FAAH2: variants seen among roughly 807,000 people sequenced by gnomAD.
FAAH2 encodes fatty-acid amide hydrolase 2.
In FAAH2, 60 loss-of-function variants were observed where a neutral mutation model predicts 36.9. The observed-to-expected ratio is 1.63, with a 90% CI of 1.32 to 2.02. The LOEUF (loss-of-function observed/expected upper bound fraction) is 2.02. Ranked by LOEUF, FAAH2 falls within the 30% of genes most tolerant of loss-of-function variation. The pLI, the probability that FAAH2 is intolerant of heterozygous loss-of-function variation, is 0.00. For missense variants in FAAH2, 689 were observed against 397.5 expected, an observed-to-expected ratio of 1.73 and a Z score of -6.23; for synonymous variants, 214 against 143.8, an observed-to-expected ratio of 1.49 and a Z score of -3.49.
intron 2 of FAAH2, among the ~76,000 whole-genome samples, chrX:57,296,683 A>G (rs938833017): frequency 3.6e-5 from 4 of 111,557 alleles, no homozygotes; most frequent in South Asian, 3.8e-4. Context: ...TGAACCCATG[A>G]CAAAGAAGTT....
At chrX:57,206,900 G>C in the FAAH2 span, among the ~76,000 whole-genome samples, 1 of 111,605 alleles carries the variant, frequency 9.0e-6, no homozygotes, top group Non-Finnish European at 1.9e-5. Context: ...TTGGAACTAT[G>C]TGTCCTTTTT....
At chrX:57,263,459 T>C in the FAAH2 span, among the ~76,000 whole-genome samples, 1 of 111,640 alleles carries the variant, frequency 9.0e-6, no homozygotes, top group African/African-American at 3.2e-5. Context: ...TCTAAATAAA[T>C]AAAGAGATAT....
At chrX:57,258,995 A>G in the FAAH2 span, among the ~76,000 whole-genome samples, 10 of 110,500 alleles carry the variant, frequency 9.0e-5, no homozygotes, top group Admixed American at 2.9e-4. Context: ...CTGGGATTAC[A>G]GGCATGAGCC....
chrX:57,382,381 C>T (rs934015406), intron 7 of FAAH2, among the ~76,000 whole-genome samples: 70 of 111,189 alleles, frequency 6.3e-4, no homozygotes, highest in Non-Finnish European at 3.0e-4. Flanking sequence ...ATCAATGAAT[C>T]CAGATGCTGG....
At chrX:57,367,293 C>T (rs181537526) in intron 5 of FAAH2, among the ~76,000 whole-genome samples, 4 of 112,034 alleles carry the variant, frequency 3.6e-5, no homozygotes, top group Admixed American at 9.4e-5. Context: ...ATATAATTGG[C>T]CTTTTTCATT....
intron 3 of FAAH2, among the ~76,000 whole-genome samples, chrX:57,320,088 A>G (rs932037078): frequency 7.1e-5 from 8 of 112,165 alleles, no homozygotes; most frequent in African/African-American, 2.6e-4. Context: ...AGGCAATACC[A>G]TTCAGGACAT....
At position 57,456,297 on chromosome X, in the gene FAAH2, C is replaced by A. The variant is rs1432242803; in HGVS notation, c.1423+7579C>A. Among the ~76,000 whole-genome samples, 3 of 111,862 alleles carry A rather than the reference C, an allele frequency of 2.7e-5. No individual in the cohort carries two copies. In the East Asian group the frequency reaches 8.4e-4, roughly 31 times the overall value. On this transcript the variant is annotated intron_variant, in intron 10 of 10. Transcript: ENST00000374900. ...CCAAATCTTTGAGATGCAGTTAAAGCAGTGGTAAGAGACAAATTTGTAGTG... is the reference window on the plus strand; with the variant it reads ...CCAAATCTTTGAGATGCAGTTAAAGAAGTGGTAAGAGACAAATTTGTAGTG...
At chrX:57,232,839 T>C in the FAAH2 span, among the ~76,000 whole-genome samples, 2 of 112,530 alleles carry the variant, frequency 1.8e-5, no homozygotes, top group Non-Finnish European at 3.8e-5. Flanking sequence ...GACTCAGTGG[T>C]ATCTCTACAA....
In FAAH2 at chrX:57,411,889, A is replaced by G. The variant is rs1400756818; in HGVS notation, c.997-20029A>G. 2.7e-5 allele frequency among the ~76,000 whole-genome samples: 3 copies of G among 111,954 alleles called. No homozygotes were observed. The Admixed American group carries it at 2.9e-4, about 11-fold the overall frequency. ...ACCTAGAATCGAAAGCTCCCACAAC[A>G]TTATTATTTTTAATGAATAAATTAA... On this transcript the variant is annotated intron_variant, in intron 7 of 10. Coordinates refer to ENST00000374900, the MANE Select transcript of FAAH2 (RefSeq NM_174912.4).
intron 7 of FAAH2, among the ~76,000 whole-genome samples, chrX:57,396,938 G>A (rs900010383): frequency 5.4e-5 from 6 of 111,327 alleles, no homozygotes; most frequent in African/African-American, 1.6e-4. Context: ...AGTTATTTAC[G>A]TTTCCCACTA....
the FAAH2 span, among the ~76,000 whole-genome samples, chrX:57,270,135 T>C: frequency 5.4e-5 from 6 of 111,661 alleles, no homozygotes; most frequent in East Asian, 1.7e-3. Context: ...ACCAAATTCC[T>C]GGACAAATAC....
the FAAH2 span, among the ~76,000 whole-genome samples, chrX:57,244,176 C>T: frequency 3.7e-3 from 400 of 108,283 alleles, 4 homozygotes; most frequent in African/African-American, 0.013. Flanking sequence ...TGAAATAAAG[C>T]GTGAAGACAA....
chrX:57,206,594 T>C, the FAAH2 span, among the ~76,000 whole-genome samples: 1 of 112,716 alleles, frequency 8.9e-6, no homozygotes, highest in Non-Finnish European at 1.9e-5. Context: ...TTAACATGCC[T>C]TGTGGCAACA....
chrX:57,454,512 G>T (rs1023119192), intron 10 of FAAH2, among the ~76,000 whole-genome samples: 2 of 112,151 alleles, frequency 1.8e-5, no homozygotes, highest in Non-Finnish European at 3.8e-5. Context: ...TGACAAGGAA[G>T]CTCAGTGAGA....
intron 10 of FAAH2, among the ~76,000 whole-genome samples, chrX:57,474,769 T>C (rs2057234404): frequency 8.9e-6 from 1 of 112,225 alleles, no homozygotes; most frequent in Admixed American, 9.5e-5. Flanking sequence ...TTCTAGATCA[T>C]TGAGGAATTG....
intron 10 of FAAH2, among the ~76,000 whole-genome samples, chrX:57,458,140 C>T (rs764600726): frequency 3.6e-5 from 4 of 111,168 alleles, no homozygotes; most frequent in Non-Finnish European, 5.7e-5. Context: ...AGAAATAAAC[C>T]TGCCACCTAC....
At position 57,324,977 on chromosome X, in the gene FAAH2, T is replaced by C. The variant is rs778055243; in HGVS notation, c.413-6621T>C. On this transcript the variant is annotated intron_variant, in intron 3 of 10. Coordinates refer to ENST00000374900, the MANE Select transcript of FAAH2 (RefSeq NM_174912.4). ...TTCAGTATGATATTGGCTGTGGGTT[T>C]GTCATAGATAGCTCTTAATATTTTG... 1.7e-4 allele frequency among the ~76,000 whole-genome samples: 19 copies of C among 112,321 alleles called. No individual in the cohort carries two copies. The South Asian group carries it at 6.3e-3, about 37-fold the overall frequency.
At chrX:57,213,468 C>T in the FAAH2 span, among the ~76,000 whole-genome samples, 1 of 111,697 alleles carries the variant, frequency 9.0e-6, no homozygotes, top group African/African-American at 3.2e-5. Flanking sequence ...GCATTTAATG[C>T]TATAAACTTT....
chrX:57,348,182 G>T (rs1174899958), intron 5 of FAAH2, among the ~76,000 whole-genome samples: 1 of 110,175 alleles, frequency 9.1e-6, no homozygotes, highest in Non-Finnish European at 1.9e-5. Context: ...CCTGCAGATT[G>T]CACAACCCCA....
Sources: gnomAD v4.1 joint callset for allele counts (sites outside exome capture counted in the v4.1 genomes callset) on GRCh38, gnomAD v4.1.1 for gene constraint, MANE v1.5 for transcripts, NCBI Gene and HGNC (gene_info 2026-07-23, HGNC 2026-07-21) for gene names.